Variants in LRMDA observed in about 807,000 individuals in gnomAD.
The protein encoded by LRMDA is leucine rich melanocyte differentiation associated.
In LRMDA, 18 loss-of-function variants were observed where a neutral mutation model predicts 29.8. The ratio of observed to expected loss-of-function variants is 0.60; its 90% confidence interval spans 0.42 to 0.90. The LOEUF is 0.90. LRMDA is among the 40% of genes least tolerant of loss of function. The pLI is 0.00. For synonymous variants in LRMDA, 125 were observed against 109.4 expected, an observed-to-expected ratio of 1.14 and a Z score of -0.89; for missense variants, 273 against 273.9, an observed-to-expected ratio of 1.00 and a Z score of 0.02.
chr10:76,037,581 T>A (rs1257422585), intron 3 of LRMDA, among the ~76,000 whole-genome samples: 1 of 152,210 alleles, frequency 6.6e-6, no homozygotes, highest in East Asian at 1.9e-4. Context: ...CAACAAACAT[T>A]TATTTCTCAC....
chr10:75,996,949 G>T (rs190545681), intron 2 of LRMDA, among the ~76,000 whole-genome samples: 3,874 of 152,060 alleles, frequency 0.025, 119 homozygotes, highest in African/African-American at 0.065. Context: ...AGCCAGGATG[G>T]TCTCAATCTC....
intron 2 of LRMDA, among the ~76,000 whole-genome samples, chr10:75,814,247 G>C (rs1377837498): frequency 6.6e-6 from 1 of 152,122 alleles, no homozygotes; most frequent in Non-Finnish European, 1.5e-5. Context: ...TTCTTCATAG[G>C]CATGAGTCAC....
At chr10:75,433,406 G>A (rs1844228586) in intron 1 of LRMDA, among the ~76,000 whole-genome samples, 2 of 152,136 alleles carry the variant, frequency 1.3e-5, no homozygotes, top group Admixed American at 1.3e-4. Flanking sequence ...AGGCCCTTGG[G>A]GACTGTTTTA....
At chr10:75,704,333 G>C (rs1188106376) in intron 2 of LRMDA, among the ~76,000 whole-genome samples, 1 of 152,114 alleles carries the variant, frequency 6.6e-6, no homozygotes, top group Non-Finnish European at 1.5e-5. Flanking sequence ...TTTTTTAAAA[G>C]TCCTTTATGT....
chr10:76,353,712 T>A (rs1241227203), intron 6 of LRMDA, among the ~76,000 whole-genome samples: 1 of 152,088 alleles, frequency 6.6e-6, no homozygotes, highest in African/African-American at 2.4e-5. Flanking sequence ...TTCGATTCTT[T>A]AGGCTGCTTT....
chr10:75,968,974 A>G (rs1846916340), intron 2 of LRMDA, among the ~76,000 whole-genome samples: 1 of 146,340 alleles, frequency 6.8e-6, no homozygotes, highest in Non-Finnish European at 1.5e-5. Flanking sequence ...CTCATTAAAA[A>G]TAACCATTAA....
chr10:75,448,518 T>A (rs773549673), intron 2 of LRMDA, among the ~76,000 whole-genome samples: 12 of 152,194 alleles, frequency 7.9e-5, no homozygotes, highest in Non-Finnish European at 1.6e-4. Context: ...ACTTTCTACT[T>A]GCTAGACCTT....
intron 2 of LRMDA, among the ~76,000 whole-genome samples, chr10:75,703,731 C>G (rs191533533): frequency 6.6e-6 from 1 of 152,160 alleles, no homozygotes; most frequent in Non-Finnish European, 1.5e-5. Flanking sequence ...TTTATGACAG[C>G]GAACTCTTTA....
chr10:76,223,836 C>T (rs915104178), intron 5 of LRMDA, among the ~76,000 whole-genome samples: 2 of 152,184 alleles, frequency 1.3e-5, no homozygotes, highest in East Asian at 1.9e-4. Context: ...GTGGTCTTTT[C>T]TCTGTTTTCT....
chr10:76,509,519 A>G (rs1842988628), intron 6 of LRMDA, among the ~76,000 whole-genome samples: 1 of 152,222 alleles, frequency 6.6e-6, no homozygotes, highest in Non-Finnish European at 1.5e-5. Flanking sequence ...TACACAAATG[A>G]CATAGAGGAT....
At chr10:76,202,528 T>G (rs1851452284) in intron 5 of LRMDA, among the ~76,000 whole-genome samples, 1 of 151,998 alleles carries the variant, frequency 6.6e-6, no homozygotes. Context: ...GAGTTTTCTG[T>G]TTGGAAAAGA....
intron 5 of LRMDA, among the ~76,000 whole-genome samples, chr10:76,170,519 C>T (rs1017166192): frequency 8.5e-4 from 130 of 152,190 alleles, no homozygotes; most frequent in Non-Finnish European, 1.6e-3. Flanking sequence ...TAAGCAAGTC[C>T]GTTTGCTTCT....
chr10:75,602,581 ACT>A (rs1840901072), intron 2 of LRMDA, among the ~76,000 whole-genome samples: 1 of 151,688 alleles, frequency 6.6e-6, no homozygotes, highest in Non-Finnish European at 1.5e-5. Context: ...CATTTGGAAA[ACT>A]CTATTTATCT....
chr10:75,471,016 G>T (rs1844719133), intron 2 of LRMDA, among the ~76,000 whole-genome samples: 1 of 152,200 alleles, frequency 6.6e-6, no homozygotes, highest in Non-Finnish European at 1.5e-5. Flanking sequence ...GGGTTGGTTT[G>T]TGAGCTCAGA....
intron 2 of LRMDA, among the ~76,000 whole-genome samples, chr10:75,474,544 G>A (rs551767322): frequency 6.6e-6 from 1 of 152,300 alleles, no homozygotes; most frequent in East Asian, 1.9e-4. Context: ...TCGAGGGTGA[G>A]GATTCAACAT....
At position 75,572,826 on chromosome 10, in the gene LRMDA, T is replaced by C. The variant is rs555633449; in HGVS notation, c.131+134332T>C. Among the ~76,000 whole-genome samples, 12 of 152,298 alleles carry C rather than the reference T, an allele frequency of 7.9e-5. No homozygotes were observed. In the East Asian group the frequency reaches 1.7e-3, roughly 22 times the overall value. On this transcript the variant is annotated intron_variant, in intron 2 of 6. Transcript: ENST00000611255. Reference sequence around the variant, plus strand: ...AGATGAGGCCATAACGGTGGAGCCCTGATCCAGTAGTACTAGTGTCTTTAT... The same window carrying C: ...AGATGAGGCCATAACGGTGGAGCCCCGATCCAGTAGTACTAGTGTCTTTAT...
At chr10:76,071,593 G>A (rs1019764555) in intron 5 of LRMDA, among the ~76,000 whole-genome samples, 8 of 152,092 alleles carry the variant, frequency 5.3e-5, no homozygotes, top group East Asian at 3.9e-4. Context: ...GCGAGTAAGC[G>A]GAATAAAGAA....
At chr10:75,887,563 A>G (rs1057192052) in intron 2 of LRMDA, among the ~76,000 whole-genome samples, 4 of 152,048 alleles carry the variant, frequency 2.6e-5, no homozygotes, top group Non-Finnish European at 5.9e-5. Context: ...TTGTAAATAA[A>G]GTTTTATTGG....
chr10:75,676,152 G>A (rs534261777), intron 2 of LRMDA, among the ~76,000 whole-genome samples: 26 of 152,318 alleles, frequency 1.7e-4, no homozygotes, highest in African/African-American at 6.3e-4. Flanking sequence ...TCCAGGCTGA[G>A]CTATACTTCT....
Sources: allele counts gnomAD v4.1 joint callset (sites outside exome capture counted in the v4.1 genomes callset), GRCh38; gene constraint gnomAD v4.1.1; transcripts MANE v1.5; gene names NCBI Gene and HGNC (gene_info 2026-07-23, HGNC 2026-07-21).